The following MAML3 variants were observed in gnomAD, a reference collection of about 807,000 sequenced individuals.
MAML3 encodes mastermind-like protein 3.
Under a neutral mutation model 101.9 loss-of-function variants are expected in MAML3, and 27 were observed. That is an observed-to-expected ratio of 0.27 (90% confidence interval 0.20 to 0.37). MAML3 has a LOEUF of 0.37. MAML3 is among the 10% of genes least tolerant of loss of function. The pLI, the probability that MAML3 is intolerant of heterozygous loss-of-function variation, is 1.00. For missense variants in MAML3, 1,316 were observed against 1,444.9 expected (o/e 0.91, Z 1.45); for synonymous variants, 501 against 555.9 (o/e 0.90, Z 1.39).
chr4:140,002,717 T>C (rs933254156), intron 1 of MAML3, among the ~76,000 whole-genome samples: 8 of 151,956 alleles, frequency 5.3e-5, no homozygotes, highest in Non-Finnish European at 1.0e-4. Context: ...TGGAGCAGAG[T>C]CACAATATTC....
At chr4:139,799,266 A>G (rs1186109759) in intron 2 of MAML3, among the ~76,000 whole-genome samples, 2 of 152,234 alleles carry the variant, frequency 1.3e-5, no homozygotes, top group African/African-American at 4.8e-5. Context: ...AATCACTTTT[A>G]TGAGTGATAA....
intron 2 of MAML3, among the ~76,000 whole-genome samples, chr4:139,772,487 G>A (rs1357231906): frequency 6.6e-6 from 1 of 151,178 alleles, no homozygotes; most frequent in Non-Finnish European, 1.5e-5. Flanking sequence ...GATTACAGGT[G>A]CCCGCCACCA....
chr4:139,800,423 T>C (rs1456780360), intron 2 of MAML3, among the ~76,000 whole-genome samples: 1 of 152,218 alleles, frequency 6.6e-6, no homozygotes, highest in African/African-American at 2.4e-5. Flanking sequence ...CTGTCTCAAA[T>C]ACCTGTGCAC....
At chr4:139,733,675 G>A (rs745692995) in intron 2 of MAML3, among the ~76,000 whole-genome samples, 1 of 152,000 alleles carries the variant, frequency 6.6e-6, no homozygotes, top group Non-Finnish European at 1.5e-5. Context: ...AGGAAGGGCT[G>A]TATGTATTAT....
At chr4:139,816,808 G>A (rs1212827775) in intron 2 of MAML3, among the ~76,000 whole-genome samples, 7 of 152,002 alleles carry the variant, frequency 4.6e-5, no homozygotes, top group Non-Finnish European at 7.4e-5. Flanking sequence ...TAGATTCCAC[G>A]CTCTCAACAT....
At chr4:139,895,941 G>T (rs1732596676) in intron 1 of MAML3, among the ~76,000 whole-genome samples, 1 of 152,126 alleles carries the variant, frequency 6.6e-6, no homozygotes, top group African/African-American at 2.4e-5. Context: ...TCATGTATCT[G>T]CATTTTGGAA....
intron 2 of MAML3, among the ~76,000 whole-genome samples, chr4:139,758,947 A>G (rs888657020): frequency 3.3e-5 from 5 of 152,220 alleles, no homozygotes; most frequent in African/African-American, 1.2e-4. Context: ...ACCTCTCTTG[A>G]TGAGAATCTA....
chr4:140,138,882 TTTG>T (rs1728939438), intron 1 of MAML3, among the ~76,000 whole-genome samples: 1 of 152,216 alleles, frequency 6.6e-6, no homozygotes. Context: ...TCCAGAAAAT[TTTG>T]TTGAATTCTG....
At chr4:139,953,672 A>G (rs1189446860) in intron 1 of MAML3, among the ~76,000 whole-genome samples, 1 of 152,060 alleles carries the variant, frequency 6.6e-6, no homozygotes, top group Non-Finnish European at 1.5e-5. Flanking sequence ...TTAGATCAGC[A>G]GGAGAATGCT....
At chr4:139,964,273 A>G (rs764079544) in intron 1 of MAML3, among the ~76,000 whole-genome samples, 16 of 152,216 alleles carry the variant, frequency 1.1e-4, no homozygotes, top group Admixed American at 5.2e-4. Flanking sequence ...AAGGAATGAG[A>G]TCATGTCCTT....
chr4:139,751,952 G>A (rs188817004), intron 2 of MAML3, among the ~76,000 whole-genome samples: 2 of 152,300 alleles, frequency 1.3e-5, no homozygotes, highest in African/African-American at 4.8e-5. Flanking sequence ...CATATAAAAG[G>A]AAGCCTGTAT....
rs1730288015 is a variant in MAML3, at chr4:139,785,461, G to A, written c.2080-54794C>T. Among the ~76,000 whole-genome samples, 1 of 152,160 alleles carries A rather than the reference G, an allele frequency of 6.6e-6. No homozygotes were observed. Among genetic ancestry groups the A allele is most frequent in the South Asian group, 2.1e-4 (1 of 4,830 alleles). ...AGAGTGTTCTTGATGAGTGAATTGG[G>A]CAGTAAACACAGCTCTTTATTTTTG... On this transcript the variant is annotated intron_variant, in intron 2 of 4. Coordinates refer to ENST00000509479, the MANE Select transcript of MAML3 (RefSeq NM_018717.5). The surrounding 1 kb of genome is among the most constrained non-coding windows in gnomAD (Gnocchi z 4.3).
In MAML3 at chr4:139,798,792, C is replaced by T. The variant is rs139481290; in HGVS notation, c.2080-68125G>A. On this transcript the variant is annotated intron_variant, in intron 2 of 4. Transcript: ENST00000509479. ...TCCTAGCCTTACCTCCAAAATTAAA[C>T]AAAATAGCAAATACTTTTGGTATTG... Among the ~76,000 whole-genome samples, 3 of 152,298 alleles carry T rather than the reference C, an allele frequency of 2.0e-5. No homozygotes were observed. In the East Asian group the frequency reaches 5.8e-4, roughly 29 times the overall value.
intron 2 of MAML3, among the ~76,000 whole-genome samples, chr4:139,816,117 T>C (rs1012845364): frequency 6.6e-6 from 1 of 152,086 alleles, no homozygotes; most frequent in Non-Finnish European, 1.5e-5. Flanking sequence ...GAGATGTTGA[T>C]TGCATTGTTA....
intron 1 of MAML3, among the ~76,000 whole-genome samples, chr4:140,054,274 C>A (rs1211922267): frequency 6.7e-6 from 1 of 149,506 alleles, no homozygotes; most frequent in Admixed American, 6.8e-5. Flanking sequence ...GAGGCTGAGG[C>A]AGGAGAATCA....
At chr4:140,101,622 T>G (rs764839892) in intron 1 of MAML3, among the ~76,000 whole-genome samples, 1 of 152,204 alleles carries the variant, frequency 6.6e-6, no homozygotes, top group Admixed American at 6.5e-5. Flanking sequence ...GAAATGTTTG[T>G]GTCTTCATTT....
At chr4:139,970,379 GCA>G (rs781702340) in intron 1 of MAML3, among the ~76,000 whole-genome samples, 4 of 152,218 alleles carry the variant, frequency 2.6e-5, no homozygotes, top group Admixed American at 6.5e-5. Flanking sequence ...GGGGATTGAA[GCA>G]CAGTCTGTGG....
At position 139,978,789 on chromosome 4, in the gene MAML3, C is replaced by A. The variant is rs555862670; in HGVS notation, c.469-87822G>T. Among the ~76,000 whole-genome samples the A allele has an allele frequency of 4.6e-5, 7 of 152,204 alleles. No individual in the cohort carries two copies. In the East Asian group the frequency reaches 1.2e-3, roughly 25 times the overall value. ...GGCCCTCCCATGGATGACATCCCCC[C>A]CAGAGACCTTGCCAGTCAGCCTGCC... On this transcript the variant is annotated intron_variant, in intron 1 of 4. Coordinates refer to ENST00000509479, the MANE Select transcript of MAML3 (RefSeq NM_018717.5).
intron 1 of MAML3, among the ~76,000 whole-genome samples, chr4:140,042,939 C>G (rs1181509925): frequency 6.6e-6 from 1 of 152,096 alleles, no homozygotes; most frequent in African/African-American, 2.4e-5. Context: ...GTCTCAGAGG[C>G]ATTTAGACTT....
Sources: allele counts gnomAD v4.1 joint callset (sites outside exome capture counted in the v4.1 genomes callset), GRCh38; gene constraint gnomAD v4.1.1; non-coding constraint Gnocchi (gnomAD v3.1); transcripts MANE v1.5; gene names NCBI Gene and HGNC (gene_info 2026-07-23, HGNC 2026-07-21).